CC2D2B: variants seen among roughly 807,000 people sequenced by gnomAD.
CC2D2B encodes protein CC2D2B.
In CC2D2B, 128 loss-of-function variants were observed where a neutral mutation model predicts 161.2. The observed-to-expected ratio is 0.79, with a 90% CI of 0.69 to 0.92. The LOEUF (loss-of-function observed/expected upper bound fraction) is 0.92. Ranked by LOEUF, CC2D2B falls within the 40% of genes least tolerant of loss-of-function variation. The pLI is 0.00. For synonymous variants in CC2D2B, 391 were observed against 449.8 expected, an observed-to-expected ratio of 0.87 and a Z score of 1.65; for missense variants, 1,173 against 1,375.1, an observed-to-expected ratio of 0.85 and a Z score of 2.32.
chr10:95,927,160 A>G (rs997395505), intron 5 of CC2D2B, 77 bp from the exon 6 acceptor site: 10 of 762,944 alleles, frequency 1.3e-5, no homozygotes, highest in Non-Finnish European at 1.5e-5. Flanking sequence ...TATGTTTACC[A>G]TATTACAGAA....
intron 28 of CC2D2B, among the ~76,000 whole-genome samples, chr10:96,013,375 A>C (rs1441846029): frequency 7.0e-6 from 1 of 142,118 alleles, no homozygotes; most frequent in East Asian, 2.1e-4. Flanking sequence ...ATTTTGAACC[A>C]AAAAAAAAAA....
chr10:95,929,921 A>G (rs1478084054), intron 6 of CC2D2B, among the ~76,000 whole-genome samples: 1 of 152,152 alleles, frequency 6.6e-6, no homozygotes, highest in African/African-American at 2.4e-5. Context: ...TTTTTTTCTA[A>G]TTCTGTGAAG....
chr10:95,981,431 A>G (rs2077526288), intron 17 of CC2D2B, among the ~76,000 whole-genome samples: 1 of 150,798 alleles, frequency 6.6e-6, no homozygotes, highest in African/African-American at 2.4e-5. Context: ...AGATTATCTC[A>G]TATGACCAAG....
intron 2 of CC2D2B, chr10:95,913,433 T>G (rs1213153688): frequency 7.2e-6 from 3 of 418,378 alleles, no homozygotes; most frequent in Admixed American, 5.1e-5. Flanking sequence ...AACATGGGAG[T>G]GCAGGTATGT....
Position 95,972,175 on chromosome 10 carries a change from C to T in CC2D2B, c.1754C>T (p.Ser585Phe), listed in dbSNP as rs1360811520. Residue 585 changes from serine to phenylalanine, a missense_variant, in exon 16 of 35, where the codon TCT (serine) becomes TTT (phenylalanine). By Grantham distance (155) the Ser-to-Phe change is radical (BLOSUM62 -2). This residue lies in a region of CC2D2B where 277 missense variants were observed against 420.6 expected (regional missense o/e 0.66). Coordinates refer to ENST00000646931, the MANE Select transcript of CC2D2B (RefSeq NM_001349008.3). ...KTALQYVEFS[S>F]DKLVMPADGE... ...GCTTTGCAATATGTAGAGTTTAGCT[C>T]TGATAAGCTGGTCATGCCTGCCGAT... is the stretch of plus-strand genomic sequence containing the variant. 8.1e-7 allele frequency: 1 copy of T among 1,231,858 alleles called. No individual in the cohort carries two copies. Among genetic ancestry groups the T allele is most frequent in the Non-Finnish European group, 1.0e-6 (1 of 987,882 alleles). The allele number at this position is 1,231,858 out of a possible 1,614,324, so 76.3% of individuals were successfully genotyped here. A position where few individuals can be genotyped will look rare whatever the true frequency, so the allele number is the denominator to read the frequency against.
chr10:96,000,514 C>T (rs2078439413), intron 24 of CC2D2B, among the ~76,000 whole-genome samples: 1 of 151,990 alleles, frequency 6.6e-6, no homozygotes, highest in Non-Finnish European at 1.5e-5. Context: ...CAGGTGCCTG[C>T]CACCACGCCC....
intron 11 of CC2D2B, among the ~76,000 whole-genome samples, chr10:95,958,779 A>G (rs765654605): frequency 6.6e-6 from 1 of 151,548 alleles, no homozygotes; most frequent in Non-Finnish European, 1.5e-5. Flanking sequence ...AAGTGGACCA[A>G]CATATTCAGT....
At chr10:95,940,351 A>T (rs988155364) in intron 9 of CC2D2B, among the ~76,000 whole-genome samples, 2 of 152,182 alleles carry the variant, frequency 1.3e-5, no homozygotes, top group Non-Finnish European at 2.9e-5. Flanking sequence ...GATCCAAACC[A>T]TATCACTCTT....
At position 95,930,906 on chromosome 10, in the gene CC2D2B, A is replaced by C. The variant is rs1344810813; in HGVS notation, c.336+3574A>C. On this transcript the variant is annotated intron_variant, in intron 6 of 34. Transcript: ENST00000646931. Reference sequence around the variant, plus strand: ...AGGATGATGCTGGCCTCATAAAATGAGTTAGCGAGGAGTCTCTCTTTTTCT... The same window carrying C: ...AGGATGATGCTGGCCTCATAAAATGCGTTAGCGAGGAGTCTCTCTTTTTCT... 2.6e-5 allele frequency among the ~76,000 whole-genome samples: 4 copies of C among 152,168 alleles called. No homozygotes were observed. In the East Asian group the frequency reaches 7.7e-4, roughly 29 times the overall value.
chr10:95,986,635 C>T (rs1474026927), intron 19 of CC2D2B, among the ~76,000 whole-genome samples: 2 of 152,024 alleles, frequency 1.3e-5, no homozygotes, highest in Non-Finnish European at 2.9e-5. Flanking sequence ...CTCACTTTGT[C>T]GCACAGGCTG....
chr10:95,916,341 C>T (rs2098516312), intron 2 of CC2D2B, among the ~76,000 whole-genome samples: 1 of 151,516 alleles, frequency 6.6e-6, no homozygotes, highest in Admixed American at 6.6e-5. Flanking sequence ...TTTAACTTTT[C>T]AAAAAAACAA....
At chr10:95,937,358 G>T (rs2075860357) in intron 6 of CC2D2B, among the ~76,000 whole-genome samples, 1 of 152,084 alleles carries the variant, frequency 6.6e-6, no homozygotes, top group Non-Finnish European at 1.5e-5. Context: ...TTGCTTTCAT[G>T]AATAGACTCA....
In CC2D2B at chr10:96,004,166, A is replaced by G; in HGVS notation, c.2864A>G (p.Asp955Gly). The change falls in exon 25 of 35, where the codon GAT becomes GGT. Residue 955 changes from aspartate to glycine, a missense_variant. This residue lies in a region of CC2D2B where 598 missense variants were observed against 693.2 expected (regional missense o/e 0.86). Coordinates refer to ENST00000646931, the MANE Select transcript of CC2D2B (RefSeq NM_001349008.3). ...CTTATTTGCAGCTCACCAGGACATG[A>G]TTATAGCTTCTCAAGCTTATCTAAA... ...IKVDFVSPGH[D>G]YSFSSLSKIK... is the part of the protein sequence containing the mutation. 1 of 1,542,514 alleles carries G rather than the reference A, an allele frequency of 6.5e-7. No homozygotes were observed. The highest frequency in any genetic ancestry group is 1.2e-5 in the South Asian group (1 of 80,396).
intron 19 of CC2D2B, among the ~76,000 whole-genome samples, chr10:95,986,989 G>C (rs1243971387): frequency 6.6e-6 from 1 of 152,084 alleles, no homozygotes; most frequent in African/African-American, 2.4e-5. Flanking sequence ...AATATCCAGA[G>C]TATTGTGTTA....
intron 11 of CC2D2B, among the ~76,000 whole-genome samples, chr10:95,960,100 C>T (rs901624749): frequency 6.6e-6 from 1 of 152,098 alleles, no homozygotes; most frequent in Admixed American, 6.5e-5. Context: ...ATGTGAAGAC[C>T]CAGAACACTT....
Position 96,024,901 on chromosome 10 carries a change from C to T in CC2D2B, c.3937C>T (p.Leu1313=), listed in dbSNP as rs760975451. 1 of 1,529,578 alleles carries T rather than the reference C, an allele frequency of 6.5e-7. No individual in the cohort carries two copies. Among genetic ancestry groups the T allele is most frequent in the South Asian group, 1.2e-5 (1 of 83,506 alleles). 94.8% of individuals were successfully genotyped at this position (1,529,578 alleles called of 1,614,324 possible). The change falls in exon 33 of 35, where the codon CTA becomes TTA. Residue 1313 remains leucine (L), a synonymous_variant. Transcript: ENST00000646931. ...FETDKSMVED[L]RNRIERTLKS... The stretch of plus-strand genomic sequence containing the variant: ...AACTGATAAAAGCATGGTAGAAGAT[C>T]TAAGGAATAGGTACTGTGTTTTCCC...
At chr10:96,023,438 G>C (rs890325693) in intron 32 of CC2D2B, among the ~76,000 whole-genome samples, 5 of 152,254 alleles carry the variant, frequency 3.3e-5, no homozygotes, top group Admixed American at 3.3e-4. Context: ...AAGGACATGA[G>C]TGCCCAGAAA....
rs183392238 is a variant in CC2D2B, at chr10:95,936,951, A to C, written c.337-1040A>C. 5.9e-5 allele frequency among the ~76,000 whole-genome samples: 9 copies of C among 152,318 alleles called. No homozygotes were observed. The East Asian group carries it at 1.5e-3, about 26-fold the overall frequency. On this transcript the variant is annotated intron_variant, in intron 6 of 34. Transcript: ENST00000646931. ...TTTGTAGTCTACGACTGGGATCTTC[A>C]AAGAGAGCCCCCATGTGGAGATCCG...
intron 17 of CC2D2B, among the ~76,000 whole-genome samples, chr10:95,976,063 A>G (rs1483296895): frequency 2.0e-5 from 3 of 152,114 alleles, no homozygotes; most frequent in Non-Finnish European, 4.4e-5. Flanking sequence ...AGACGCATTT[A>G]TATCTTTTTC....
Sources: allele counts gnomAD v4.1 joint callset (sites outside exome capture counted in the v4.1 genomes callset), GRCh38; gene constraint gnomAD v4.1.1; regional missense constraint gnomAD v4.1.1; transcripts MANE v1.5; gene names NCBI Gene and HGNC (gene_info 2026-07-23, HGNC 2026-07-21).